The following BEST4 variants were observed in gnomAD, a reference collection of about 807,000 sequenced individuals.
The protein encoded by BEST4 is bestrophin 4.
In BEST4, 36 loss-of-function variants were observed where a neutral mutation model predicts 47.1. That is an observed-to-expected ratio of 0.76 (90% CI 0.59 to 1.01). BEST4 has a LOEUF of 1.01. BEST4 is among the 50% of genes least tolerant of loss of function. The probability of loss-of-function intolerance (pLI) is 0.00; values close to 1 mark genes in which losing one functional copy is unlikely to be tolerated. For synonymous variants in BEST4, 250 were observed against 277.8 expected, an observed-to-expected ratio of 0.90 and a Z score of 1.00; for missense variants, 550 against 648.6, an observed-to-expected ratio of 0.85 and a Z score of 1.65.
upstream of BEST4, among the ~76,000 whole-genome samples, chr1:44,790,363 T>A (rs981467995): frequency 1.3e-5 from 2 of 152,202 alleles, no homozygotes; most frequent in African/African-American, 4.8e-5. Flanking sequence ...GCCTAGCTCA[T>A]ATAAAATTTT....
chr1:44,786,674 C>T lies in BEST4; in HGVS notation c.270G>A (p.Val90=). The T allele has an allele frequency of 6.4e-7, 1 of 1,551,314 alleles. No individual in the cohort carries two copies. The highest frequency in any genetic ancestry group is 8.7e-7 in the Non-Finnish European group (1 of 1,146,824). ...TTGTGTACTGGGACCACCAGCGGTT[C>T]ACCACGAGAGTCACATAGAAACCTG... ...FVLGFYVTLV[V]NRWWSQYTSI... is the part of the protein sequence containing the mutation. The change falls in exon 3 of 9, where the codon GTG becomes GTA. Residue 90 remains valine, a synonymous_variant. Coordinates refer to ENST00000372207, the MANE Select transcript of BEST4 (RefSeq NM_153274.3). This position sits in a 1 kb window ranked among gnomAD's most constrained non-coding sequence, Gnocchi z 4.9.
Position 44,784,590 on chromosome 1 carries a change from G to A in BEST4, c.1148+39C>T. On this transcript the variant is annotated intron_variant, in intron 8 of 8. Transcript: ENST00000372207. This position sits in a 1 kb window ranked among gnomAD's most constrained non-coding sequence, Gnocchi z 6.2. ...ATCGGTGCCCCAGAGGCTGAGCGAG[G>A]ACCCGCGTGCCGGGTCAGGCCCAGT... is the stretch of plus-strand genomic sequence containing the variant. The A allele has an allele frequency of 6.3e-7, 1 of 1,591,802 alleles. No individual in the cohort carries two copies. Among genetic ancestry groups the A allele is most frequent in the South Asian group, 1.1e-5 (1 of 88,832 alleles).
chr1:44,786,385 T>C lies in BEST4; in HGVS notation c.481+78A>G. 1 of 1,430,436 alleles carries C rather than the reference T, an allele frequency of 7.0e-7. No individual in the cohort carries two copies. The highest frequency in any genetic ancestry group is 9.3e-7 in the Non-Finnish European group (1 of 1,076,380). 88.6% of individuals were successfully genotyped at this position (1,430,436 alleles called of 1,614,324 possible). On this transcript the variant is annotated intron_variant, in intron 3 of 8. Transcript: ENST00000372207. The surrounding 1 kb of genome is among the most constrained non-coding windows in gnomAD (Gnocchi z 4.9). ...GTCCAGACCCTTCCCTGGAGGCCCC[T>C]GCTCCCAGGACTCTCCCAGGCGCCA...
Position 44,784,395 on chromosome 1 carries a change from C to G in BEST4, c.1237G>C (p.Gly413Arg). The G allele has an allele frequency of 1.4e-6, 2 of 1,401,998 alleles. No individual in the cohort carries two copies. Among genetic ancestry groups the G allele is most frequent in the Non-Finnish European group, 1.8e-6 (2 of 1,090,052 alleles). The allele number at this position is 1,401,998 out of a possible 1,614,324, so 86.8% of individuals were successfully genotyped here. Reference sequence around the variant, plus strand: ...GGCGCCCCTACGCCCAGGAAGCGGCCGAGCAACGGGGTCTGCGCGGCGGGC... The same window carrying G: ...GGCGCCCCTACGCCCAGGAAGCGGCGGAGCAACGGGGTCTGCGCGGCGGGC... ...PAPAAQTPLL[G>R]RFLGVGAPSP... Residue 413 changes from glycine (G) to arginine (R), a missense_variant, in exon 9 of 9, where the codon GGC (glycine) becomes CGC (arginine). Gly to Arg is a moderately radical substitution (Grantham distance 125). Coordinates refer to ENST00000372207, the MANE Select transcript of BEST4 (RefSeq NM_153274.3). The surrounding 1 kb of genome is among the most constrained non-coding windows in gnomAD (Gnocchi z 6.2).
upstream of BEST4, among the ~76,000 whole-genome samples, chr1:44,788,516 G>A (rs1380053547): frequency 1.3e-5 from 2 of 152,230 alleles, no homozygotes; most frequent in East Asian, 3.8e-4. Context: ...CATGCCAAGG[G>A]CACTACTAGG....
chr1:44,789,259 GA>G (rs1416858651), upstream of BEST4, among the ~76,000 whole-genome samples: 94 of 97,212 alleles, frequency 9.7e-4, no homozygotes, highest in African/African-American at 4.4e-3. Flanking sequence ...AAAAAAAAAA[GA>G]AAAGAAAGAA....
In BEST4 at chr1:44,787,450, C is replaced by T. The variant is rs754111733; in HGVS notation, c.169G>A (p.Glu57Lys). 1.2e-6 allele frequency: 2 copies of T among 1,614,150 alleles called. No individual in the cohort carries two copies. Among genetic ancestry groups the T allele is most frequent in the Non-Finnish European group, 1.7e-6 (2 of 1,180,014 alleles). ...SITYRLLLTQ[E>K]QRYVYAQVAR... ...ACCTGAGCATACACGTACCTCTGCT[C>T]CTGGGTCAGCAGCAGCCTGGGGAAG... is the stretch of plus-strand genomic sequence containing the variant. The change falls in exon 2 of 9, where the codon GAG (glutamate) becomes AAG (lysine). Residue 57 changes from glutamate (E) to lysine (K), a missense_variant. Physicochemically the swap from Glu to Lys is moderately conservative, Grantham distance 56. Transcript: ENST00000372207.
At position 44,784,916 on chromosome 1, in the gene BEST4, G is replaced by C; in HGVS notation, c.982C>G (p.Arg328Gly). The C allele has an allele frequency of 1.2e-6, 2 of 1,614,000 alleles. No homozygotes were observed. Among genetic ancestry groups the C allele is most frequent in the Non-Finnish European group, 1.7e-6 (2 of 1,179,890 alleles). ...DDFETNQLID[R>G]NLQVSLLSVD... ...TGATGCTTGCTCACCTGCAAGTTGC[G>C]GTCTATGAGCTGATTTGTCTCAAAG... Residue 328 changes from arginine (R) to glycine (G), a missense_variant, in exon 7 of 9, where the codon CGC becomes GGC. Coordinates refer to ENST00000372207, the MANE Select transcript of BEST4 (RefSeq NM_153274.3). This position sits in a 1 kb window ranked among gnomAD's most constrained non-coding sequence, Gnocchi z 6.2.
Position 44,786,271 on chromosome 1 carries a change from G to A in BEST4, c.482-43C>T. 1.3e-6 allele frequency: 2 copies of A among 1,559,450 alleles called. No homozygotes were observed. The highest frequency in any genetic ancestry group is 1.7e-6 in the Non-Finnish European group (2 of 1,152,782). ...GTGGGGTGCAGTTGCACCCTCTGCCGCCAGGGGAGGCTGCTGTTCCGCCGT... is the reference window on the plus strand; with the variant it reads ...GTGGGGTGCAGTTGCACCCTCTGCCACCAGGGGAGGCTGCTGTTCCGCCGT... On this transcript the variant is annotated intron_variant, in intron 3 of 8. Transcript: ENST00000372207. The surrounding 1 kb of genome is among the most constrained non-coding windows in gnomAD (Gnocchi z 4.9).
At position 44,786,995 on chromosome 1, in the gene BEST4, A is replaced by T. The variant is rs1490603873; in HGVS notation, c.248-299T>A. Among the ~76,000 whole-genome samples the T allele has an allele frequency of 1.3e-5, 2 of 152,162 alleles. No homozygotes were observed. The highest frequency in any genetic ancestry group is 2.9e-5 in the Non-Finnish European group (2 of 68,026). Reference sequence around the variant, plus strand: ...GTGCCCAGGGTGGGCTTGTGAGGCCAGCAGGTGTCTTGTGCCTTGCTGGAA... The same window carrying T: ...GTGCCCAGGGTGGGCTTGTGAGGCCTGCAGGTGTCTTGTGCCTTGCTGGAA... On this transcript the variant is annotated intron_variant, in intron 2 of 8. Coordinates refer to ENST00000372207, the MANE Select transcript of BEST4 (RefSeq NM_153274.3). This position sits in a 1 kb window ranked among gnomAD's most constrained non-coding sequence, Gnocchi z 4.9.
At chr1:44,785,864 CTG>C (rs1300450062) in intron 4 of BEST4, among the ~76,000 whole-genome samples, 188 bp from the exon 5 acceptor site, 1 of 152,226 alleles carries the variant, frequency 6.6e-6, no homozygotes, top group Non-Finnish European at 1.5e-5. Flanking sequence ...CTTTTCTACT[CTG>C]TGCCTCAGTT....
At chr1:44,785,794 A>G (rs970930353) in intron 4 of BEST4, 118 bp from the exon 5 acceptor site, 2 of 934,326 alleles carry the variant, frequency 2.1e-6, no homozygotes, top group African/African-American at 1.7e-5. Context: ...TCAGAGGTGT[A>G]TTAAGATGGG....
Position 44,784,827 on chromosome 1 carries a change from C to T in BEST4, c.994-44G>A. The T allele has an allele frequency of 6.2e-7, 1 of 1,603,344 alleles. No homozygotes were observed. Among genetic ancestry groups the T allele is most frequent in the Non-Finnish European group, 8.5e-7 (1 of 1,174,082 alleles). Reference sequence around the variant, plus strand: ...ACAAGGATCCTCCTCTCCTCTCCTTCCCACGGCCGGGCTGAGAGCTGACCG... The same window carrying T: ...ACAAGGATCCTCCTCTCCTCTCCTTTCCACGGCCGGGCTGAGAGCTGACCG... On this transcript the variant is annotated intron_variant, in intron 7 of 8. Coordinates refer to ENST00000372207, the MANE Select transcript of BEST4 (RefSeq NM_153274.3). The surrounding 1 kb of genome is among the most constrained non-coding windows in gnomAD (Gnocchi z 6.2).
In BEST4 at chr1:44,784,906, T is replaced by G. The variant is rs201994250; in HGVS notation, c.992A>C (p.Gln331Pro). ...CTCCTGATCCTGATGCTTGCTCACC[T>G]GCAAGTTGCGGTCTATGAGCTGATT... Reference protein sequence around the residue: ...ETNQLIDRNLQVSLLSVDEMY... With the variant: ...ETNQLIDRNLPVSLLSVDEMY... Residue 331 changes from glutamine to proline, a missense_variant and splice_region_variant, in exon 7 of 9, where the codon CAG (glutamine) becomes CCG (proline). Around this residue, in one of 3 missense-constraint regions of BEST4, gnomAD observed 255 missense variants for 286.6 expected, o/e 0.89. Transcript: ENST00000372207. The surrounding 1 kb of genome is among the most constrained non-coding windows in gnomAD (Gnocchi z 6.2). 6.2e-7 allele frequency: 1 copy of G among 1,614,032 alleles called. No homozygotes were observed. Among genetic ancestry groups the G allele is most frequent in the African/African-American group, 1.3e-5 (1 of 74,936 alleles).
At chr1:44,785,387 A>G in intron 5 of BEST4, 82 bp from the exon 6 acceptor site, 1 of 1,399,900 alleles carries the variant, frequency 7.1e-7, no homozygotes, top group Non-Finnish European at 9.7e-7. Context: ...GATCTATGGG[A>G]AGTCTGACAA....
At position 44,786,769 on chromosome 1, in the gene BEST4, C is replaced by G; in HGVS notation, c.248-73G>C. ...CTGGGGGTCGGAGCGCCTCACCTCC[C>G]CCAGCAAAGGGCCTGGTCCAGGCCA... On this transcript the variant is annotated intron_variant, in intron 2 of 8. Coordinates refer to ENST00000372207, the MANE Select transcript of BEST4 (RefSeq NM_153274.3). This position sits in a 1 kb window ranked among gnomAD's most constrained non-coding sequence, Gnocchi z 4.9. 1 of 1,187,818 alleles carries G rather than the reference C, an allele frequency of 8.4e-7. No homozygotes were observed. The highest frequency in any genetic ancestry group is 2.1e-5 in the Admixed American group (1 of 46,790). The allele number at this position is 1,187,818 out of a possible 1,614,324, so 73.6% of individuals were successfully genotyped here.
rs1438979785 is a variant in BEST4 at position 44,785,420 on chromosome 1, G to A, written c.715-115C>T. 7.8e-6 allele frequency: 10 copies of A among 1,284,110 alleles called. No homozygotes were observed. In the South Asian group the frequency reaches 8.9e-5, roughly 11 times the overall value. The allele number at this position is 1,284,110 out of a possible 1,614,324, so 79.5% of individuals were successfully genotyped here. On this transcript the variant is annotated intron_variant, in intron 5 of 8. Transcript: ENST00000372207. The stretch of plus-strand genomic sequence containing the variant: ...CAAGTAATCAAACATGTATCCTGGT[G>A]TGGCAGTACCAGTGGGGACAGGGTC...
At chr1:44,783,516 CAATTT>C (rs1557611845), downstream of BEST4, 1 of 152,106 alleles carries the variant, frequency 6.6e-6, no homozygotes, top group African/African-American at 2.4e-5. Context: ...CATGCCAATT[CAATTT>C]TAAACAATTA....
chr1:44,789,204 G>A (rs542912203), upstream of BEST4, among the ~76,000 whole-genome samples: 1 of 140,994 alleles, frequency 7.1e-6, no homozygotes, highest in Admixed American at 7.4e-5. Flanking sequence ...AGGTTGCAAC[G>A]AGTTGAGATC....
Sources: gnomAD v4.1 joint callset for allele counts (sites outside exome capture counted in the v4.1 genomes callset) on GRCh38, gnomAD v4.1.1 for gene constraint, gnomAD v4.1.1 regional missense constraint, Gnocchi (gnomAD v3.1) non-coding constraint, MANE v1.5 for transcripts, NCBI Gene and HGNC (gene_info 2026-07-23, HGNC 2026-07-21) for gene names.